CS: variants seen among roughly 807,000 people sequenced by gnomAD.
The protein encoded by CS is citrate synthase, mitochondrial.
A neutral mutation model predicts 61.4 loss-of-function variants in CS; 13 were observed. The observed-to-expected ratio is 0.21, with a 90% CI of 0.14 to 0.34. CS has a LOEUF of 0.34. Ranked by LOEUF, CS falls within the 10% of genes least tolerant of loss-of-function variation. The probability of loss-of-function intolerance (pLI) is 1.00; values close to 1 mark genes in which losing one functional copy is unlikely to be tolerated. For synonymous variants in CS, 159 were observed against 215.2 expected (o/e 0.74, Z 2.29); for missense variants, 278 against 573.4 (o/e 0.48, Z 5.26).
chr12:56,288,969 T>A (rs1873030726), intron 1 of CS, among the ~76,000 whole-genome samples: 1 of 152,034 alleles, frequency 6.6e-6, no homozygotes, highest in South Asian at 2.1e-4. Context: ...ACAGAAAAGA[T>A]TACTTTTAAA....
intron 10 of CS, 78 bp downstream of exon 10, chr12:56,273,509 G>T: frequency 7.1e-7 from 1 of 1,399,834 alleles, no homozygotes; most frequent in African/African-American, 1.4e-5. Flanking sequence ...CTGACTAGGA[G>T]TTAATTGACT....
chr12:56,283,769 T>C (rs1872846245), intron 4 of CS, 23 bp downstream of exon 4: 6 of 1,576,254 alleles, frequency 3.8e-6, no homozygotes, highest in Non-Finnish European at 5.2e-6. Flanking sequence ...TGATTATTAG[T>C]AATTGACATG....
rs1252713529 is a variant in CS, at chr12:56,271,765, A to G, written c.*1319T>C. 1 of 385,474 alleles carries G rather than the reference A, an allele frequency of 2.6e-6. No homozygotes were observed. Among genetic ancestry groups the G allele is most frequent in the African/African-American group, 2.1e-5 (1 of 47,032 alleles). 23.9% of individuals were successfully genotyped at this position (385,474 alleles called of 1,614,324 possible). ...AACCTGAAGTCTCCATCATGACTTG[A>G]CAGTTACCCAGGGGTTTACAGTGTG... On this transcript the variant is annotated 3_prime_UTR_variant, in exon 11 of 11. Coordinates refer to ENST00000351328, the MANE Select transcript of CS (RefSeq NM_004077.3).
At chr12:56,278,153 C>G (rs556471951) in intron 6 of CS, among the ~76,000 whole-genome samples, 1 of 151,692 alleles carries the variant, frequency 6.6e-6, no homozygotes, top group East Asian at 2.0e-4. Context: ...TTTTTTGAGA[C>G]GGAGTCTCAC....
chr12:56,279,491 G>A (rs765027790), intron 6 of CS, among the ~76,000 whole-genome samples: 4 of 152,062 alleles, frequency 2.6e-5, no homozygotes, highest in Non-Finnish European at 4.4e-5. Context: ...ACAAGGCCAG[G>A]CGCGGTGGCT....
intron 1 of CS, among the ~76,000 whole-genome samples, chr12:56,299,244 C>G (rs1408799589): frequency 2.0e-5 from 3 of 152,082 alleles, no homozygotes; most frequent in Non-Finnish European, 4.4e-5. Context: ...GGCCAAGTTA[C>G]TTAGAACTAA....
At chr12:56,292,611 G>A (rs1450866225) in intron 1 of CS, among the ~76,000 whole-genome samples, 2 of 148,910 alleles carry the variant, frequency 1.3e-5, no homozygotes, top group African/African-American at 2.5e-5. Context: ...ATGGCCTGGC[G>A]CGGTGGCTCA....
intron 6 of CS, 87 bp from the exon 7 acceptor site, chr12:56,276,282 T>C (rs1273598703): frequency 8.2e-7 from 1 of 1,223,918 alleles, no homozygotes; most frequent in East Asian, 2.4e-5. Flanking sequence ...CCTCCATGAA[T>C]TGGGGCTATT....
At chr12:56,291,573 A>G (rs1481725464) in intron 1 of CS, 1 of 159,238 alleles carries the variant, frequency 6.3e-6, no homozygotes, top group Non-Finnish European at 1.4e-5. Context: ...AAGCTGCTGA[A>G]TGGCTCTGAA....
chr12:56,288,818 A>C (rs62733563), intron 1 of CS, among the ~76,000 whole-genome samples: 2 of 12,238 alleles, frequency 1.6e-4, no homozygotes, highest in Non-Finnish European at 2.8e-3. Context: ...CCAGCTAATT[A>C]AAAAAAAAAA....
chr12:56,299,144 C>A (rs1184514937), intron 1 of CS, among the ~76,000 whole-genome samples: 1 of 152,088 alleles, frequency 6.6e-6, no homozygotes, highest in African/African-American at 2.4e-5. Flanking sequence ...AAACTAAGTT[C>A]TTTGCAGAAG....
intron 6 of CS, among the ~76,000 whole-genome samples, chr12:56,277,102 G>A (rs1427181699): frequency 6.6e-6 from 1 of 151,830 alleles, no homozygotes; most frequent in African/African-American, 2.4e-5. Context: ...TACTCGGGAG[G>A]CTGAGGCAGG....
chr12:56,293,540 C>T (rs1475756041), intron 1 of CS, among the ~76,000 whole-genome samples: 1 of 151,966 alleles, frequency 6.6e-6, no homozygotes, highest in Admixed American at 6.6e-5. Flanking sequence ...AACATGGTGA[C>T]ACCCCATCTC....
At chr12:56,278,258 G>C (rs1322420285) in intron 6 of CS, among the ~76,000 whole-genome samples, 1 of 152,162 alleles carries the variant, frequency 6.6e-6, no homozygotes. Context: ...GGCCTTCTGA[G>C]TAGCTGGGAT....
At chr12:56,300,093 C>G in intron 1 of CS, 67 bp downstream of exon 1, 1 of 1,493,588 alleles carries the variant, frequency 6.7e-7, no homozygotes, top group Non-Finnish European at 9.0e-7. Context: ...GAGACCCCGG[C>G]GCCGGAGGGC....
rs111314277 is a variant in CS, at chr12:56,275,933, C to A, written c.788+63G>T. The A allele has an allele frequency of 4.2e-6, 6 of 1,435,756 alleles. No individual in the cohort carries two copies. In the South Asian group the frequency reaches 6.9e-5, roughly 17 times the overall value. 88.9% of individuals were successfully genotyped at this position (1,435,756 alleles called of 1,614,324 possible). On this transcript the variant is annotated intron_variant, in intron 7 of 10. Transcript: ENST00000351328. Reference sequence around the variant, plus strand: ...CTCAGAAGATGAGAACATAAAGGAGCTTTTAAAAAAATTTCCCACCAATTG... The same window carrying A: ...CTCAGAAGATGAGAACATAAAGGAGATTTTAAAAAAATTTCCCACCAATTG...
chr12:56,291,118 C>G, intron 1 of CS: 1 of 535,688 alleles, frequency 1.9e-6, no homozygotes. Context: ...GTTAAGTAAA[C>G]TAAATAAAAT....
intron 10 of CS, 57 bp downstream of exon 10, chr12:56,273,530 C>A: frequency 6.6e-7 from 1 of 1,525,276 alleles, no homozygotes. Flanking sequence ...TTGTGCATGG[C>A]AGATAACAAT....
intron 1 of CS, among the ~76,000 whole-genome samples, chr12:56,287,703 GGA>G (rs1185452326): frequency 6.6e-6 from 1 of 151,878 alleles, no homozygotes; most frequent in Admixed American, 6.6e-5. Flanking sequence ...TGCCCAGACT[GGA>G]GTGCAATGGC....
Sources: gnomAD v4.1 joint callset for allele counts (sites outside exome capture counted in the v4.1 genomes callset) on GRCh38, gnomAD v4.1.1 for gene constraint, MANE v1.5 for transcripts, NCBI Gene and HGNC (gene_info 2026-07-23, HGNC 2026-07-21) for gene names.